Variants in ZBTB20 observed in about 807,000 individuals in gnomAD.
The protein encoded by ZBTB20 is zinc finger and BTB domain-containing protein 20.
A neutral mutation model predicts 56.9 loss-of-function variants in ZBTB20; 9 were observed. That is an observed-to-expected ratio of 0.16 (90% CI 0.10 to 0.28). ZBTB20 has a LOEUF of 0.28. ZBTB20 is among the 10% of genes least tolerant of loss of function. The pLI, the probability that ZBTB20 is intolerant of heterozygous loss-of-function variation, is 1.00. For missense variants in ZBTB20, 655 were observed against 1,003.0 expected (o/e 0.65, Z 4.69); for synonymous variants, 417 against 420.7 (o/e 0.99, Z 0.11).
intron 6 of ZBTB20, among the ~76,000 whole-genome samples, chr3:114,671,558 G>C (rs1308269729): frequency 1.3e-5 from 2 of 150,662 alleles, no homozygotes; most frequent in East Asian, 3.9e-4. Flanking sequence ...CTCTCTTATT[G>C]TTGTCGCTCC....
chr3:115,023,415 C>G (rs1217459253), intron 2 of ZBTB20, among the ~76,000 whole-genome samples: 1 of 150,690 alleles, frequency 6.6e-6, no homozygotes, highest in East Asian at 1.9e-4. Flanking sequence ...TGCCTGTGCC[C>G]CATGTGTTCT....
At chr3:114,876,381 T>C (rs1041677692) in intron 4 of ZBTB20, 2 of 151,846 alleles carry the variant, frequency 1.3e-5, no homozygotes, top group Non-Finnish European at 1.5e-5. Context: ...GCCCAACAGT[T>C]CAAGGCTGCA....
intron 7 of ZBTB20, among the ~76,000 whole-genome samples, chr3:114,398,576 T>C (rs991106164): frequency 6.6e-6 from 1 of 151,998 alleles, no homozygotes; most frequent in Non-Finnish European, 1.5e-5. Context: ...CGTTCTTAGG[T>C]GAAAGTAAGA....
chr3:114,607,509 G>A (rs2057261528), intron 6 of ZBTB20, among the ~76,000 whole-genome samples: 1 of 152,074 alleles, frequency 6.6e-6, no homozygotes, highest in South Asian at 2.1e-4. Flanking sequence ...CTCCATGTTT[G>A]TCAGGCTGGT....
intron 2 of ZBTB20, among the ~76,000 whole-genome samples, chr3:115,062,487 TTA>T: frequency 6.6e-6 from 1 of 152,284 alleles, no homozygotes; most frequent in Admixed American, 6.5e-5. Context: ...TCTGCCTCTC[TTA>T]TGTCTAAAAA....
intron 5 of ZBTB20, among the ~76,000 whole-genome samples, chr3:114,771,319 G>A (rs2069178404): frequency 6.6e-6 from 1 of 152,030 alleles, no homozygotes; most frequent in Non-Finnish European, 1.5e-5. Context: ...CAACTATCTT[G>A]TTAGTTGATT....
At chr3:114,833,694 TA>T (rs907792216) in intron 4 of ZBTB20, among the ~76,000 whole-genome samples, 5 of 86,804 alleles carry the variant, frequency 5.8e-5, no homozygotes, top group Admixed American at 2.0e-4. Flanking sequence ...TACACCTAGC[TA>T]ATTTTTTTTT....
intron 6 of ZBTB20, among the ~76,000 whole-genome samples, chr3:114,691,172 A>G (rs1425412407): frequency 6.6e-6 from 1 of 152,180 alleles, no homozygotes; most frequent in Non-Finnish European, 1.5e-5. Flanking sequence ...ATGTTAGAAA[A>G]TATGATGTCA....
chr3:115,028,135 G>A (rs1028109283), intron 2 of ZBTB20, among the ~76,000 whole-genome samples: 41 of 150,802 alleles, frequency 2.7e-4, no homozygotes, highest in Non-Finnish European at 4.9e-4. Flanking sequence ...CCACCTAATT[G>A]AAATGTCATA....
chr3:114,662,281 C>T (rs1238806014), intron 6 of ZBTB20, among the ~76,000 whole-genome samples: 5 of 151,804 alleles, frequency 3.3e-5, no homozygotes, highest in Non-Finnish European at 1.5e-5. Context: ...ATATATGCCA[C>T]ATTTTCTTAA....
intron 2 of ZBTB20, among the ~76,000 whole-genome samples, chr3:114,987,627 G>A (rs1010615522): frequency 6.6e-6 from 1 of 152,078 alleles, no homozygotes; most frequent in African/African-American, 2.4e-5. Context: ...AATAACATAG[G>A]TTTGCTAATC....
chr3:114,655,660 G>A (rs2060370869), intron 6 of ZBTB20, among the ~76,000 whole-genome samples: 1 of 152,046 alleles, frequency 6.6e-6, no homozygotes, highest in East Asian at 1.9e-4. Context: ...TTGTTCTAAG[G>A]ATTACAATAT....
chr3:115,066,375 C>T lies in ZBTB20; in HGVS notation c.-507+4844G>A, dbSNP rs576222891. On this transcript the variant is annotated intron_variant, in intron 2 of 11. Coordinates refer to ENST00000675478, the MANE Select transcript of ZBTB20 (RefSeq NM_001348800.3). ...CAGCATCCAACTTCCACCCCTTCAC[C>T]GATACAGTACCCAAATCTTATCAAT... Among the ~76,000 whole-genome samples the T allele has an allele frequency of 1.4e-3, 214 of 152,094 alleles. 2 individuals are homozygous for T. Among genetic ancestry groups the T allele is most frequent in the South Asian group, 7.7e-3 (37 of 4,816 alleles).
intron 6 of ZBTB20, among the ~76,000 whole-genome samples, chr3:114,614,232 G>A (rs1054861077): frequency 6.6e-6 from 1 of 152,178 alleles, no homozygotes; most frequent in Non-Finnish European, 1.5e-5. Context: ...CAGAGCAGTA[G>A]CCATTCTAAA....
chr3:114,524,929 G>A (rs1559910129), intron 6 of ZBTB20, among the ~76,000 whole-genome samples: 1 of 152,148 alleles, frequency 6.6e-6, no homozygotes, highest in East Asian at 1.9e-4. Context: ...GGCCAGGCTG[G>A]TCTCGAACTC....
Position 114,347,165 on chromosome 3 carries a change from G to A in ZBTB20, c.1804+3109C>T, listed in dbSNP as rs188797416. 9.5e-3 allele frequency among the ~76,000 whole-genome samples: 1,211 copies of A among 127,154 alleles called. 8 individuals carry two copies. Among genetic ancestry groups the A allele is most frequent in the South Asian group, 0.023 (89 of 3,816 alleles). 83.4% of individuals were successfully genotyped at this position (127,154 alleles called of 152,430 possible). ...ACTCCTGGGCTCAAGTGATCTTCCC[G>A]CCTCAGCCTCCTGAGTATCTGGGAC... On this transcript the variant is annotated intron_variant, in intron 11 of 11. Transcript: ENST00000675478.
chr3:114,377,630 C>T (rs1271786387), intron 10 of ZBTB20, among the ~76,000 whole-genome samples: 1 of 152,144 alleles, frequency 6.6e-6, no homozygotes, highest in Admixed American at 6.5e-5. Context: ...TGAGTAGTTG[C>T]ACATTTTCAA....
chr3:114,968,470 A>G (rs7613105), intron 3 of ZBTB20, among the ~76,000 whole-genome samples: 148,081 of 152,314 alleles, frequency 0.97, 72,136 homozygotes, highest in East Asian at 1. Flanking sequence ...TGGAGGAAAT[A>G]GCCTTTTACT....
At chr3:114,914,567 T>C (rs1242962184) in intron 3 of ZBTB20, among the ~76,000 whole-genome samples, 1 of 151,940 alleles carries the variant, frequency 6.6e-6, no homozygotes, top group African/African-American at 2.4e-5. Context: ...CTTTCTCTTC[T>C]CTAATTGTAC....
Sources: allele counts gnomAD v4.1 joint callset (sites outside exome capture counted in the v4.1 genomes callset), GRCh38; gene constraint gnomAD v4.1.1; transcripts MANE v1.5; gene names NCBI Gene and HGNC (gene_info 2026-07-23, HGNC 2026-07-21).